Variants in TSPAN9 observed in about 807,000 individuals in gnomAD.
The protein encoded by TSPAN9 is tetraspanin 9.
A neutral mutation model predicts 31.0 loss-of-function variants in TSPAN9; 16 were observed. The ratio of observed to expected loss-of-function variants is 0.52; its 90% CI spans 0.35 to 0.78. The LOEUF (loss-of-function observed/expected upper bound fraction) is 0.78. Among genes scored for constraint, TSPAN9 ranks in the 30% least tolerant of loss-of-function variants. The pLI is 0.01. For synonymous variants in TSPAN9, 145 were observed against 121.6 expected (o/e 1.19, Z -1.27); for missense variants, 272 against 312.5 (o/e 0.87, Z 0.98).
chr12:3,121,564 G>A (rs2098325166), intron 2 of TSPAN9, among the ~76,000 whole-genome samples: 1 of 98,188 alleles, frequency 1.0e-5, no homozygotes, highest in African/African-American at 3.8e-5. Context: ...TTTTTGTAGA[G>A]ACAAGGCCTC....
intron 3 of TSPAN9, among the ~76,000 whole-genome samples, chr12:3,236,098 C>T (rs2098393615): frequency 6.6e-6 from 1 of 152,198 alleles, no homozygotes; most frequent in Admixed American, 6.5e-5. Flanking sequence ...TTAGCGTCCT[C>T]TGCAAGCCTG....
At chr12:3,085,407 T>C (rs77514274) in intron 2 of TSPAN9, among the ~76,000 whole-genome samples, 39,363 of 150,966 alleles carry the variant, frequency 0.26, 5,570 homozygotes, top group South Asian at 0.39. Flanking sequence ...CGTGTCTATC[T>C]AGATGACCGT....
At chr12:3,235,347 G>A (rs1264739284) in intron 3 of TSPAN9, among the ~76,000 whole-genome samples, 1 of 146,024 alleles carries the variant, frequency 6.8e-6, no homozygotes, top group Non-Finnish European at 1.5e-5. Flanking sequence ...GTGCTGTAGT[G>A]GCAAGAAGCC....
intron 2 of TSPAN9, among the ~76,000 whole-genome samples, chr12:3,093,769 G>A (rs75307429): frequency 2.0e-5 from 3 of 152,182 alleles, no homozygotes; most frequent in African/African-American, 7.2e-5. Flanking sequence ...TGGCCAGCTG[G>A]TGGAACCCCT....
At chr12:3,174,743 CGGCT>C (rs2098354145) in intron 2 of TSPAN9, among the ~76,000 whole-genome samples, 1 of 134,134 alleles carries the variant, frequency 7.5e-6, no homozygotes, top group African/African-American at 2.5e-5. Context: ...CCACCGCGCC[CGGCT>C]AATTTTTTGT....
At chr12:3,128,276 C>T (rs757654681) in intron 2 of TSPAN9, among the ~76,000 whole-genome samples, 15 of 152,200 alleles carry the variant, frequency 9.9e-5, no homozygotes, top group Non-Finnish European at 1.6e-4. Flanking sequence ...GCCCTGACCA[C>T]TTTTTCTCCA....
At chr12:3,161,477 C>T (rs551099701) in intron 2 of TSPAN9, among the ~76,000 whole-genome samples, 3 of 152,260 alleles carry the variant, frequency 2.0e-5, no homozygotes, top group African/African-American at 7.2e-5. Flanking sequence ...GGTGTCCCAG[C>T]ACCATTTGTT....
At chr12:3,277,287 G>T (rs555600075) in intron 3 of TSPAN9, among the ~76,000 whole-genome samples, 1 of 152,146 alleles carries the variant, frequency 6.6e-6, no homozygotes, top group Admixed American at 6.5e-5. Flanking sequence ...GAATGTTCTC[G>T]TCCTCCATCT....
chr12:3,262,098 G>GAATAAT (rs1369236870), intron 3 of TSPAN9, among the ~76,000 whole-genome samples: 1 of 152,246 alleles, frequency 6.6e-6, no homozygotes, highest in African/African-American at 2.4e-5. Flanking sequence ...GTAAAATCTG[G>GAATAAT]TTCTTTTTCT....
At chr12:3,236,505 G>C (rs1449363743) in intron 3 of TSPAN9, among the ~76,000 whole-genome samples, 1 of 152,144 alleles carries the variant, frequency 6.6e-6, no homozygotes, top group Admixed American at 6.5e-5. Context: ...TCTGAGGCCC[G>C]TGCCCTTCGC....
intron 2 of TSPAN9, among the ~76,000 whole-genome samples, chr12:3,189,820 C>T (rs756875312): frequency 3.3e-5 from 5 of 152,218 alleles, no homozygotes; most frequent in Admixed American, 3.3e-4. Flanking sequence ...AGTGAGACGA[C>T]AGCCAGTGCT....
intron 3 of TSPAN9, among the ~76,000 whole-genome samples, chr12:3,231,266 T>A (rs1486803739): frequency 6.6e-6 from 1 of 152,184 alleles, no homozygotes; most frequent in Non-Finnish European, 1.5e-5. Context: ...TCCCTAACTC[T>A]GTGACCTTGG....
chr12:3,234,095 C>T (rs1160969573), intron 3 of TSPAN9, among the ~76,000 whole-genome samples: 1 of 152,162 alleles, frequency 6.6e-6, no homozygotes, highest in Non-Finnish European at 1.5e-5. Flanking sequence ...CCCTGCTTTC[C>T]CATCCTGGAA....
At chr12:3,080,099 A>C (rs1215391800) in intron 1 of TSPAN9, among the ~76,000 whole-genome samples, 2 of 151,844 alleles carry the variant, frequency 1.3e-5, no homozygotes, top group Non-Finnish European at 2.9e-5. Context: ...CCTTTCCTCT[A>C]TGTTGAGCCT....
intron 2 of TSPAN9, among the ~76,000 whole-genome samples, chr12:3,090,501 T>C (rs1203523938): frequency 6.6e-6 from 1 of 152,274 alleles, no homozygotes. Context: ...CTACGTGGTT[T>C]CTCACTGTCA....
At chr12:3,209,958 CAAAAAAAAA>C (rs57719008) in intron 3 of TSPAN9, among the ~76,000 whole-genome samples, 6 of 49,742 alleles carry the variant, frequency 1.2e-4, no homozygotes, top group Non-Finnish European at 2.4e-4. Context: ...GACTCTGTCC[CAAAAAAAAA>C]AAAAAAAAAA....
intron 2 of TSPAN9, among the ~76,000 whole-genome samples, chr12:3,115,067 C>T (rs2098321508): frequency 1.4e-5 from 2 of 145,178 alleles, no homozygotes; most frequent in African/African-American, 2.5e-5. Context: ...CACTCCCATG[C>T]CCCCCTTCCC....
At chr12:3,091,409 G>C (rs2098304518) in intron 2 of TSPAN9, among the ~76,000 whole-genome samples, 1 of 152,148 alleles carries the variant, frequency 6.6e-6, no homozygotes, top group Non-Finnish European at 1.5e-5. Context: ...CCCTTCCTGT[G>C]AAATGTCACC....
At chr12:3,262,559 C>T (rs1439643120) in intron 3 of TSPAN9, among the ~76,000 whole-genome samples, 1 of 151,828 alleles carries the variant, frequency 6.6e-6, no homozygotes, top group East Asian at 1.9e-4. Context: ...TCCACCCTGC[C>T]GTTTGCCCTT....
Sources: allele counts gnomAD v4.1 joint callset (sites outside exome capture counted in the v4.1 genomes callset), GRCh38; gene constraint gnomAD v4.1.1; transcripts MANE v1.5; gene names NCBI Gene and HGNC (gene_info 2026-07-23, HGNC 2026-07-21).